The following KCNH5 variants were observed in gnomAD, a reference collection of about 807,000 sequenced individuals.
The protein encoded by KCNH5 is voltage-gated delayed rectifier potassium channel KCNH5.
A neutral mutation model predicts 96.1 loss-of-function variants in KCNH5; 46 were observed. The observed-to-expected ratio is 0.48, with a 90% CI of 0.38 to 0.61. KCNH5 has a LOEUF of 0.61. KCNH5 is among the 20% of genes least tolerant of loss of function. KCNH5 has a pLI of 0.00. For synonymous variants in KCNH5, 439 were observed against 449.8 expected, an observed-to-expected ratio of 0.98 and a Z score of 0.30; for missense variants, 907 against 1,225.8, an observed-to-expected ratio of 0.74 and a Z score of 3.88.
intron 1 of KCNH5, among the ~76,000 whole-genome samples, chr14:63,043,562 C>A (rs1306931705): frequency 1.3e-5 from 2 of 152,048 alleles, no homozygotes. Context: ...AAAAAATATA[C>A]AGGTATTTAA....
chr14:62,892,496 T>C (rs2140086201), intron 7 of KCNH5, among the ~76,000 whole-genome samples: 1 of 152,334 alleles, frequency 6.6e-6, no homozygotes, highest in South Asian at 2.1e-4. Flanking sequence ...CTTCAGCAAG[T>C]TATTCAGATC....
At chr14:62,804,536 C>A (rs376668056) in intron 8 of KCNH5, among the ~76,000 whole-genome samples, 65 of 152,022 alleles carry the variant, frequency 4.3e-4, no homozygotes, top group African/African-American at 1.5e-3. Flanking sequence ...GGGACAATTG[C>A]AATACAATGA....
At chr14:63,009,490 A>G (rs1891186642) in intron 2 of KCNH5, among the ~76,000 whole-genome samples, 1 of 152,214 alleles carries the variant, frequency 6.6e-6, no homozygotes, top group African/African-American at 2.4e-5. Flanking sequence ...ATAGTCTTTC[A>G]TTTCTTACAT....
At chr14:63,045,007 C>A in intron 1 of KCNH5, 107 bp downstream of exon 1, 7 of 912,394 alleles carry the variant, frequency 7.7e-6, no homozygotes, top group Non-Finnish European at 1.2e-5. Flanking sequence ...CCAGGTAAGG[C>A]TGCCTGCATC....
chr14:62,859,329 A>G (rs532620704), intron 7 of KCNH5, among the ~76,000 whole-genome samples: 118 of 152,300 alleles, frequency 7.7e-4, no homozygotes, highest in Non-Finnish European at 1.0e-3. Flanking sequence ...CATGTTGCTG[A>G]GCCCATGCAT....
At chr14:63,001,699 G>T (rs2139591653) in intron 3 of KCNH5, among the ~76,000 whole-genome samples, 1 of 152,244 alleles carries the variant, frequency 6.6e-6, no homozygotes, top group Non-Finnish European at 1.5e-5. Flanking sequence ...CTAAAGTAAA[G>T]CACAGGCTGT....
chr14:62,973,748 G>C (rs1239061695), intron 6 of KCNH5, among the ~76,000 whole-genome samples: 2 of 152,072 alleles, frequency 1.3e-5, no homozygotes, highest in Non-Finnish European at 2.9e-5. Flanking sequence ...GAAAAATTAG[G>C]TATATCCTAG....
rs192807069 is a variant in KCNH5, at chr14:62,968,267, C to A, written c.942+12605G>T. On this transcript the variant is annotated intron_variant, in intron 6 of 10. Coordinates refer to ENST00000322893, the MANE Select transcript of KCNH5 (RefSeq NM_139318.5). ...ATTTTTTCCCTATCTCTTCCTTCAC[C>A]CTGACCCCTCTTTTATTTACACCTG... Among the ~76,000 whole-genome samples the A allele has an allele frequency of 2.2e-3, 332 of 152,298 alleles. 1 individual carries two copies. The highest frequency in any genetic ancestry group is 7.4e-3 in the African/African-American group (306 of 41,572).
At chr14:62,717,677 A>T (rs1374629326) in intron 10 of KCNH5, among the ~76,000 whole-genome samples, 1 of 152,206 alleles carries the variant, frequency 6.6e-6, no homozygotes, top group African/African-American at 2.4e-5. Flanking sequence ...AAGAGCTAAA[A>T]CTTTAAAGTT....
chr14:62,856,280 T>G (rs1887925994), intron 7 of KCNH5, among the ~76,000 whole-genome samples: 1 of 152,210 alleles, frequency 6.6e-6, no homozygotes, highest in African/African-American at 2.4e-5. Flanking sequence ...TCTCTCCATC[T>G]CCTTATTAGT....
chr14:62,744,837 C>T (rs1021337591), intron 10 of KCNH5, among the ~76,000 whole-genome samples: 3 of 152,146 alleles, frequency 2.0e-5, no homozygotes, highest in African/African-American at 7.2e-5. Flanking sequence ...AATTTTTTTA[C>T]ACACCACATG....
At chr14:62,922,846 C>T (rs757087014) in intron 7 of KCNH5, among the ~76,000 whole-genome samples, 17 of 151,968 alleles carry the variant, frequency 1.1e-4, no homozygotes, top group African/African-American at 2.6e-4. Flanking sequence ...TTATATTCAA[C>T]GGTGAAAAGC....
At chr14:62,937,042 AG>A (rs1324851881) in intron 7 of KCNH5, among the ~76,000 whole-genome samples, 2 of 151,930 alleles carry the variant, frequency 1.3e-5, no homozygotes, top group Non-Finnish European at 2.9e-5. Context: ...AACAATTAGA[AG>A]GGAAAAATAA....
At chr14:62,993,501 A>G (rs1890851512) in intron 4 of KCNH5, among the ~76,000 whole-genome samples, 1 of 151,946 alleles carries the variant, frequency 6.6e-6, no homozygotes, top group Non-Finnish European at 1.5e-5. Flanking sequence ...CTGCACCCCT[A>G]TCATCTCAGA....
intron 10 of KCNH5, among the ~76,000 whole-genome samples, chr14:62,748,980 T>C (rs1885439427): frequency 6.6e-6 from 1 of 152,170 alleles, no homozygotes; most frequent in Non-Finnish European, 1.5e-5. Flanking sequence ...CGATAGCGTA[T>C]CAATGGCAGA....
chr14:62,977,638 G>A (rs1003187708), intron 6 of KCNH5, among the ~76,000 whole-genome samples: 3 of 151,956 alleles, frequency 2.0e-5, no homozygotes, highest in African/African-American at 7.3e-5. Context: ...TTGCCTCTAG[G>A]GTCTTCTCTT....
At chr14:62,790,587 T>C (rs954576885) in intron 9 of KCNH5, among the ~76,000 whole-genome samples, 5 of 151,688 alleles carry the variant, frequency 3.3e-5, no homozygotes, top group African/African-American at 1.2e-4. Flanking sequence ...CTTCTTTTTT[T>C]TTTTTTCACT....
chr14:62,717,790 T>C (rs1025133394), intron 10 of KCNH5, among the ~76,000 whole-genome samples: 10 of 152,318 alleles, frequency 6.6e-5, no homozygotes, highest in South Asian at 2.1e-4. Flanking sequence ...AATAAATTCA[T>C]TGGACTTCAT....
intron 10 of KCNH5, among the ~76,000 whole-genome samples, chr14:62,768,696 T>C (rs532771012): frequency 5.3e-5 from 8 of 152,362 alleles, no homozygotes; most frequent in Admixed American, 2.0e-4. Flanking sequence ...TTGTTTACTA[T>C]TAAAACATGT....
Sources: allele counts gnomAD v4.1 joint callset (sites outside exome capture counted in the v4.1 genomes callset), GRCh38; gene constraint gnomAD v4.1.1; transcripts MANE v1.5; gene names NCBI Gene and HGNC (gene_info 2026-07-23, HGNC 2026-07-21).